Variants in CREB1 observed in about 807,000 individuals in gnomAD.
CREB1 encodes the protein cyclic AMP-responsive element-binding protein 1.
In CREB1, 2 loss-of-function variants were observed where a neutral mutation model predicts 42.0. That is an observed-to-expected ratio of 0.05 (90% CI 0.02 to 0.15). CREB1 has a LOEUF of 0.15. Ranked by LOEUF, CREB1 falls within the 10% of genes least tolerant of loss-of-function variation. The pLI is 1.00. For synonymous variants in CREB1, 123 were observed against 139.9 expected, an observed-to-expected ratio of 0.88 and a Z score of 0.85; for missense variants, 199 against 388.9, an observed-to-expected ratio of 0.51 and a Z score of 4.11.
At chr2:207,591,392 T>G (rs1164165605) in intron 7 of CREB1, among the ~76,000 whole-genome samples, 1 of 152,210 alleles carries the variant, frequency 6.6e-6, no homozygotes, top group African/African-American at 2.4e-5. Context: ...GAAGAATGCT[T>G]TGTCTGATAC....
At chr2:207,551,721 C>T (rs1263955744) in intron 1 of CREB1, among the ~76,000 whole-genome samples, 1 of 151,982 alleles carries the variant, frequency 6.6e-6, no homozygotes, top group Non-Finnish European at 1.5e-5. Context: ...ATGGTCTCAG[C>T]TCCTAGGATC....
chr2:207,561,509 C>T (rs1248597188), intron 3 of CREB1, among the ~76,000 whole-genome samples: 1 of 152,102 alleles, frequency 6.6e-6, no homozygotes, highest in African/African-American at 2.4e-5. Context: ...AAAACTTTTA[C>T]CTAGTGATCC....
At chr2:207,589,973 C>T (rs1042816693) in intron 7 of CREB1, among the ~76,000 whole-genome samples, 1 of 151,852 alleles carries the variant, frequency 6.6e-6, no homozygotes, top group African/African-American at 2.4e-5. Flanking sequence ...GTCTTCCCTT[C>T]CCTTCTCTTT....
At chr2:207,585,534 C>T (rs1046243658) in intron 7 of CREB1, among the ~76,000 whole-genome samples, 5 of 152,124 alleles carry the variant, frequency 3.3e-5, no homozygotes, top group African/African-American at 2.4e-5. Flanking sequence ...TGAGGAAACA[C>T]GATACCTCCA....
rs1446657900 is a variant in CREB1 at position 207,603,661 on chromosome 2, G to A, written c.*6603G>A. On this transcript the variant is annotated 3_prime_UTR_variant, in exon 8 of 8. Coordinates refer to ENST00000353267, the MANE Select transcript of CREB1 (RefSeq NM_004379.5). ...AACAGTGCCTATTTGTGGATTTGGA[G>A]ATGTTACTGTCAAGATGACTAATGG... 2.0e-5 allele frequency among the ~76,000 whole-genome samples: 3 copies of A among 152,176 alleles called. No individual in the cohort carries two copies.
rs200152562 is a variant in CREB1 at position 207,582,916 on chromosome 2, A to AT, written c.839+5261_839+5262insT. The AT allele has an allele frequency of 1.3e-3, 303 of 232,446 alleles. 3 individuals carry two copies. Among genetic ancestry groups the AT allele is most frequent in the Admixed American group, 2.7e-3 (55 of 20,556 alleles). The allele number at this position is 232,446 out of a possible 1,614,324, so 14.4% of individuals were successfully genotyped here. On this transcript the variant is annotated intron_variant, in intron 7 of 7. Transcript: ENST00000353267. ...AAAAAAACAAACAAACAAACAAAAA[A>AT]AAATATATATATATACATACACACA...
chr2:207,572,988 T>C (rs543759303), intron 5 of CREB1, among the ~76,000 whole-genome samples: 1 of 152,350 alleles, frequency 6.6e-6, no homozygotes, highest in East Asian at 1.9e-4. Context: ...TAAAATCTTA[T>C]TAGTGATTCT....
At chr2:207,542,263 G>T (rs572708775) in intron 1 of CREB1, among the ~76,000 whole-genome samples, 10 of 152,180 alleles carry the variant, frequency 6.6e-5, no homozygotes, top group African/African-American at 2.4e-4. Flanking sequence ...AGTGTATTAG[G>T]GTTCAAATTT....
intron 5 of CREB1, among the ~76,000 whole-genome samples, chr2:207,572,529 T>C (rs1274094381): frequency 6.6e-6 from 1 of 152,240 alleles, no homozygotes; most frequent in Non-Finnish European, 1.5e-5. Flanking sequence ...ACAGCACTTA[T>C]TTAAACATTC....
chr2:207,588,130 C>G (rs1413134285), intron 7 of CREB1, among the ~76,000 whole-genome samples: 1 of 11,268 alleles, frequency 8.9e-5, no homozygotes, highest in East Asian at 0.014. Flanking sequence ...ATCAATATCA[C>G]ACAGACTTCG....
In CREB1 at chr2:207,600,100, A is replaced by G. The variant is rs962050390; in HGVS notation, c.*3042A>G. 1 of 186,752 alleles carries G rather than the reference A, an allele frequency of 5.4e-6. No homozygotes were observed. The highest frequency in any genetic ancestry group is 2.3e-5 in the African/African-American group (1 of 42,716). The allele number at this position is 186,752 out of a possible 1,614,324, so 11.6% of individuals were successfully genotyped here. A position where few individuals can be genotyped will look rare whatever the true frequency, so the allele number is the denominator to read the frequency against. ...GCTAGATCCAATGTGTTCATTATTA[A>G]ATAATTGCTATCAGATACAATTTTA... On this transcript the variant is annotated 3_prime_UTR_variant, in exon 8 of 8. Transcript: ENST00000353267.
intron 5 of CREB1, among the ~76,000 whole-genome samples, chr2:207,574,336 T>C (rs1287416543): frequency 2.6e-5 from 4 of 152,248 alleles, no homozygotes; most frequent in Admixed American, 2.6e-4. Context: ...TTGGTCCTTC[T>C]CTTTCTGAAA....
At chr2:207,550,313 C>T (rs1183905078) in intron 1 of CREB1, 8 of 146,412 alleles carry the variant, frequency 5.5e-5, no homozygotes, top group Non-Finnish European at 1.2e-4. Context: ...GTGTTTTTCT[C>T]ATTTCTAGTT....
At chr2:207,593,644 T>C (rs2085510418) in intron 7 of CREB1, among the ~76,000 whole-genome samples, 1 of 151,898 alleles carries the variant, frequency 6.6e-6, no homozygotes, top group African/African-American at 2.4e-5. Context: ...AAAATAATAA[T>C]AGCTAACACA....
At chr2:207,596,534 A>G (rs2086201182) in intron 7 of CREB1, among the ~76,000 whole-genome samples, 1 of 152,180 alleles carries the variant, frequency 6.6e-6, no homozygotes, top group Admixed American at 6.5e-5. Context: ...CCCAGGTTCA[A>G]GCGATGCCCA....
intron 3 of CREB1, among the ~76,000 whole-genome samples, chr2:207,562,880 AAAT>A (rs1230554070): frequency 6.6e-6 from 1 of 152,242 alleles, no homozygotes; most frequent in Non-Finnish European, 1.5e-5. Context: ...TTCCTACAAC[AAAT>A]GTTTATTGGT....
chr2:207,570,389 C>T, intron 5 of CREB1, 68 bp downstream of exon 5: 2 of 1,435,096 alleles, frequency 1.4e-6, no homozygotes, highest in East Asian at 2.4e-5. Context: ...CTAATAGTTG[C>T]ATTCTCTTCA....
chr2:207,540,036 A>G (rs1165222626), intron 1 of CREB1, among the ~76,000 whole-genome samples: 1 of 152,220 alleles, frequency 6.6e-6, no homozygotes, highest in Non-Finnish European at 1.5e-5. Flanking sequence ...CCTGACTCCC[A>G]ATTCTTCTCC....
chr2:207,535,426 T>G lies in CREB1; in HGVS notation c.-9+5292T>G, dbSNP rs542543365. Among the ~76,000 whole-genome samples, 39 of 152,314 alleles carry G rather than the reference T, an allele frequency of 2.6e-4. No homozygotes were observed. The East Asian group carries it at 5.0e-3, about 20-fold the overall frequency. On this transcript the variant is annotated intron_variant, in intron 1 of 7. Coordinates refer to ENST00000353267, the MANE Select transcript of CREB1 (RefSeq NM_004379.5). The stretch of plus-strand genomic sequence containing the variant: ...CATTTCATATAGTCCGGTGTTTTTT[T>G]GGGTTTTTTTTAACAGACAGCTCAT...
Sources: allele counts gnomAD v4.1 joint callset (sites outside exome capture counted in the v4.1 genomes callset), GRCh38; gene constraint gnomAD v4.1.1; transcripts MANE v1.5; gene names NCBI Gene and HGNC (gene_info 2026-07-23, HGNC 2026-07-21).